Variants in CALCRL observed in about 807,000 individuals in gnomAD.
CALCRL encodes calcitonin gene-related peptide type 1 receptor.
Under a neutral mutation model 60.4 loss-of-function variants are expected in CALCRL, and 27 were observed. The ratio of observed to expected loss-of-function variants is 0.45; its 90% CI spans 0.33 to 0.62. CALCRL has a LOEUF of 0.62. Ranked by LOEUF, CALCRL falls within the 20% of genes least tolerant of loss-of-function variation. CALCRL has a pLI of 0.03. For synonymous variants in CALCRL, 190 were observed against 182.6 expected (o/e 1.04, Z -0.33); for missense variants, 424 against 540.7 (o/e 0.78, Z 2.14).
In CALCRL at chr2:187,415,939, A is replaced by C. The variant is rs1034950376; in HGVS notation, c.-292-28183T>G. On this transcript the variant is annotated intron_variant, in intron 1 of 14. Transcript: ENST00000392370. ...CCTGCCACACTCAGTCCCCCACCAC[A>C]CTAAGAATCTCCCCTCTTCACAGTT... 3 of 211,760 alleles carry C rather than the reference A, an allele frequency of 1.4e-5. No homozygotes were observed. In the South Asian group the frequency reaches 3.2e-4, roughly 22 times the overall value. The allele number at this position is 211,760 out of a possible 1,614,324, so 13.1% of individuals were successfully genotyped here. A position where few individuals can be genotyped will look rare whatever the true frequency, so the allele number is the denominator to read the frequency against.
chr2:187,378,127 AAGG>A (rs1165819534), intron 8 of CALCRL, among the ~76,000 whole-genome samples: 3 of 151,830 alleles, frequency 2.0e-5, no homozygotes, highest in Non-Finnish European at 2.9e-5. Flanking sequence ...GAACAAGAAG[AAGG>A]AGAAGGAGAA....
rs142530735 is a variant in CALCRL, at chr2:187,359,111, A to T, written c.861T>A (p.Asp287Glu). The T allele has an allele frequency of 2.3e-5, 37 of 1,613,094 alleles. No individual in the cohort carries two copies. In the African/African-American group the frequency reaches 3.9e-4, roughly 17 times the overall value. The stretch of plus-strand genomic sequence containing the variant: ...CATGGATAATGTAGAGGAGATGGGT[A>T]TCAGAACTGATCCAGCAACTAGAGA... Reference protein sequence around the residue: ...YYNDNCWISSDTHLLYIIHGP... With the variant: ...YYNDNCWISSETHLLYIIHGP... The change falls in exon 12 of 15, where the codon GAT becomes GAA. Residue 287 changes from aspartate (D) to glutamate (E), a missense_variant. Physicochemically the swap from Asp to Glu is conservative, Grantham distance 45. Coordinates refer to ENST00000392370, the MANE Select transcript of CALCRL (RefSeq NM_005795.6).
At chr2:187,383,485 C>G (rs1214215204) in intron 4 of CALCRL, among the ~76,000 whole-genome samples, 180 bp from the exon 5 acceptor site, 1 of 152,034 alleles carries the variant, frequency 6.6e-6, no homozygotes, top group Non-Finnish European at 1.5e-5. Context: ...TATAAATATC[C>G]CCACCATGTC....
At chr2:187,386,091 T>G (rs971452582) in intron 3 of CALCRL, among the ~76,000 whole-genome samples, 20 of 152,098 alleles carry the variant, frequency 1.3e-4, no homozygotes, top group Non-Finnish European at 1.5e-5. Flanking sequence ...AAATACATTT[T>G]AATTTAATTT....
chr2:187,402,057 C>A (rs536119661), intron 1 of CALCRL, among the ~76,000 whole-genome samples: 42 of 151,540 alleles, frequency 2.8e-4, no homozygotes, highest in Admixed American at 9.3e-4. Context: ...TAAATGCACA[C>A]TTTAAAAATT....
intron 1 of CALCRL, among the ~76,000 whole-genome samples, chr2:187,416,254 C>T (rs1034914443): frequency 1.3e-5 from 2 of 152,016 alleles, no homozygotes; most frequent in Admixed American, 1.3e-4. Context: ...AACAAATTTA[C>T]TAATGGTAAT....
chr2:187,370,135 C>G (rs1250894358), intron 8 of CALCRL, among the ~76,000 whole-genome samples: 4 of 152,064 alleles, frequency 2.6e-5, no homozygotes, highest in Non-Finnish European at 5.9e-5. Flanking sequence ...TCATGTAAGA[C>G]CTTCTTGGTT....
chr2:187,425,258 T>A (rs1036438130), intron 1 of CALCRL, among the ~76,000 whole-genome samples: 2 of 151,994 alleles, frequency 1.3e-5, no homozygotes, highest in African/African-American at 4.8e-5. Context: ...TTTGTTAATG[T>A]ATAGTGTTAT....
Position 187,442,879 on chromosome 2 carries a change from G to A in CALCRL, c.-293+5160C>T, listed in dbSNP as rs1002598756. 2.0e-5 allele frequency among the ~76,000 whole-genome samples: 3 copies of A among 151,850 alleles called. No homozygotes were observed. In the East Asian group the frequency reaches 5.8e-4, roughly 29 times the overall value. ...CAACTTTGCACAACTTCAGTAATGA[G>A]AGGTCTAATAATAGATAATACACAA... On this transcript the variant is annotated intron_variant, in intron 1 of 14. Coordinates refer to ENST00000392370, the MANE Select transcript of CALCRL (RefSeq NM_005795.6).
At position 187,356,154 on chromosome 2, in the gene CALCRL, C is replaced by T. The variant is rs187517819; in HGVS notation, c.909+2909G>A. 9.5e-4 allele frequency among the ~76,000 whole-genome samples: 145 copies of T among 152,108 alleles called. 2 individuals are homozygous for T. Among genetic ancestry groups the T allele is most frequent in the African/African-American group, 3.3e-3 (138 of 41,520 alleles). On this transcript the variant is annotated intron_variant, in intron 12 of 14. Transcript: ENST00000392370. ...CACAGAATTAGGAAAAACTACTTTA[C>T]GTTTCATATGGAACCAAAAAAAGAG...
intron 1 of CALCRL, among the ~76,000 whole-genome samples, chr2:187,427,480 A>G (rs568286799): frequency 6.6e-6 from 1 of 152,290 alleles, no homozygotes; most frequent in African/African-American, 2.4e-5. Flanking sequence ...TTGAAAAGAA[A>G]AAATGATAAG....
At chr2:187,444,324 C>CT (rs967436223) in intron 1 of CALCRL, among the ~76,000 whole-genome samples, 2 of 151,476 alleles carry the variant, frequency 1.3e-5, no homozygotes, top group African/African-American at 4.8e-5. Context: ...AAATATAAAA[C>CT]TATAGCCCCA....
At chr2:187,349,778 T>C (rs1481383162) in intron 14 of CALCRL, among the ~76,000 whole-genome samples, 6 of 151,652 alleles carry the variant, frequency 4.0e-5, no homozygotes, top group Admixed American at 6.6e-5. Flanking sequence ...ACAGGAGTGT[T>C]AGGCATTACT....
chr2:187,438,515 T>A, intron 1 of CALCRL, among the ~76,000 whole-genome samples: 1 of 152,134 alleles, frequency 6.6e-6, no homozygotes, highest in East Asian at 1.9e-4. Context: ...AGATTAATTT[T>A]CTTTCCCTCA....
chr2:187,343,289 AAAT>A lies in CALCRL; in HGVS notation c.*2892_*2894del, dbSNP rs1374808327. ...TTGGCACTGTAGTAAATATCAGTGA[AAAT>A]AAACTTTAACTCATAACTTTAATAT... On this transcript the variant is annotated 3_prime_UTR_variant, in exon 15 of 15. Coordinates refer to ENST00000392370, the MANE Select transcript of CALCRL (RefSeq NM_005795.6). 1 of 151,814 alleles carries A rather than the reference AAAT, an allele frequency of 6.6e-6. No individual in the cohort carries two copies. Among genetic ancestry groups the A allele is most frequent in the Non-Finnish European group, 1.5e-5 (1 of 67,550 alleles). The allele number at this position is 151,814 out of a possible 1,614,324, so 9.4% of individuals were successfully genotyped here.
At chr2:187,440,543 T>C (rs1251286314) in intron 1 of CALCRL, among the ~76,000 whole-genome samples, 1 of 152,168 alleles carries the variant, frequency 6.6e-6, no homozygotes, top group Non-Finnish European at 1.5e-5. Flanking sequence ...CCACAAGTTA[T>C]ATTTAAGGTT....
At chr2:187,347,096 C>T (rs916433127) in intron 14 of CALCRL, among the ~76,000 whole-genome samples, 20 of 151,768 alleles carry the variant, frequency 1.3e-4, no homozygotes, top group Admixed American at 4.6e-4. Context: ...AGTTTAATGA[C>T]TTCCTTCCCC....
chr2:187,384,314 A>G (rs1315719676), intron 4 of CALCRL, among the ~76,000 whole-genome samples: 1 of 152,218 alleles, frequency 6.6e-6, no homozygotes, highest in African/African-American at 2.4e-5. Flanking sequence ...GAAAATTAAT[A>G]TATTTGAAAA....
rs568618606 is a variant in CALCRL, at chr2:187,387,440, A to G, written c.-148T>C. On this transcript the variant is annotated 5_prime_UTR_variant, in exon 3 of 15. Transcript: ENST00000392370. ...AGTAGTTTTCTTTTTAGTGGTAGCAATCTTTCAAATATTGTTTTCTATAGG... is the reference window on the plus strand; with the variant it reads ...AGTAGTTTTCTTTTTAGTGGTAGCAGTCTTTCAAATATTGTTTTCTATAGG... 9.0e-5 allele frequency: 20 copies of G among 222,670 alleles called. No individual in the cohort carries two copies. The highest frequency in any genetic ancestry group is 3.4e-4 in the Admixed American group (6 of 17,440). The allele number at this position is 222,670 out of a possible 1,614,324, so 13.8% of individuals were successfully genotyped here. A position where few individuals can be genotyped will look rare whatever the true frequency, so the allele number is the denominator to read the frequency against.
Sources: allele counts gnomAD v4.1 joint callset (sites outside exome capture counted in the v4.1 genomes callset), GRCh38; gene constraint gnomAD v4.1.1; transcripts MANE v1.5; gene names NCBI Gene and HGNC (gene_info 2026-07-23, HGNC 2026-07-21).